The following SBNO2 variants were observed in gnomAD, a reference collection of about 807,000 sequenced individuals.
SBNO2 encodes strawberry notch homolog 2.
Under a neutral mutation model 146.3 loss-of-function variants are expected in SBNO2, and 89 were observed. That is an observed-to-expected ratio of 0.61 (90% CI 0.51 to 0.73). The LOEUF (loss-of-function observed/expected upper bound fraction) is 0.73. Among genes scored for constraint, SBNO2 ranks in the 30% least tolerant of loss-of-function variants. SBNO2 has a pLI of 0.00. For synonymous variants in SBNO2, 1,147 were observed against 892.6 expected (o/e 1.29, Z -5.08); for missense variants, 2,092 against 2,003.7 (o/e 1.04, Z -0.84).
rs529729119 is a variant in SBNO2 at position 1,136,408 on chromosome 19, G to A, written c.280-8643C>T. Reference sequence around the variant, plus strand: ...CTCAGTGTCTTCTGGTGCTGCAGCCGGGCAGGGCCGAACCCTGGCGCACAG... The same window carrying A: ...CTCAGTGTCTTCTGGTGCTGCAGCCAGGCAGGGCCGAACCCTGGCGCACAG... On this transcript the variant is annotated intron_variant, in intron 4 of 31. Coordinates refer to ENST00000361757, the MANE Select transcript of SBNO2 (RefSeq NM_014963.3). This position sits in a 1 kb window ranked among gnomAD's most constrained non-coding sequence, Gnocchi z 4.2. Among the ~76,000 whole-genome samples, 58 of 152,338 alleles carry A rather than the reference G, an allele frequency of 3.8e-4. No individual in the cohort carries two copies. Among genetic ancestry groups the A allele is most frequent in the African/African-American group, 1.3e-3 (55 of 41,568 alleles).
chr19:1,156,102 C>T (rs2080287632), intron 1 of SBNO2, among the ~76,000 whole-genome samples: 1 of 152,140 alleles, frequency 6.6e-6, no homozygotes, highest in African/African-American at 2.4e-5. Flanking sequence ...CCTCGGGGTA[C>T]ACCATAGCTG....
At chr19:1,127,274 T>A (rs959569134) in intron 5 of SBNO2, among the ~76,000 whole-genome samples, 2 of 152,080 alleles carry the variant, frequency 1.3e-5, no homozygotes, top group Non-Finnish European at 2.9e-5. Context: ...CCGGGTGCGG[T>A]GGACACGGGG....
intron 1 of SBNO2, among the ~76,000 whole-genome samples, chr19:1,166,744 T>A (rs966960981): frequency 6.6e-6 from 1 of 152,174 alleles, no homozygotes; most frequent in African/African-American, 2.4e-5. Flanking sequence ...TGAGCAGACG[T>A]TAAGCTAAAT....
Position 1,147,438 on chromosome 19 carries a change from G to C in SBNO2, c.168-18C>G, listed in dbSNP as rs558492581. 92 of 1,286,830 alleles carry C rather than the reference G, an allele frequency of 7.1e-5. 4 individuals carry two copies. Among genetic ancestry groups the C allele is most frequent in the South Asian group, 3.5e-4 (25 of 71,550 alleles). 79.7% of individuals were successfully genotyped at this position (1,286,830 alleles called of 1,614,324 possible). On this transcript the variant is annotated intron_variant, in intron 3 of 31. Coordinates refer to ENST00000361757, the MANE Select transcript of SBNO2 (RefSeq NM_014963.3). ...TGAACGGGCTGGAGGGAGATGGGGG[G>C]GGGGGAGGTGAGATGGGGTGCTCAA... is the stretch of plus-strand genomic sequence containing the variant.
intron 1 of SBNO2, among the ~76,000 whole-genome samples, chr19:1,160,554 C>T (rs565099156): frequency 2.0e-5 from 3 of 152,220 alleles, no homozygotes; most frequent in African/African-American, 7.2e-5. Flanking sequence ...CTGCAGCCTT[C>T]GCCTCCTGGG....
chr19:1,142,301 C>A (rs2080148643), intron 4 of SBNO2, among the ~76,000 whole-genome samples: 1 of 152,032 alleles, frequency 6.6e-6, no homozygotes, highest in Non-Finnish European at 1.5e-5. Flanking sequence ...TCAGTGGCCT[C>A]CCTCCCCAGG....
At chr19:1,166,226 TCCAGACCCCAGATC>T (rs1248985272) in intron 1 of SBNO2, among the ~76,000 whole-genome samples, 1 of 50,072 alleles carries the variant, frequency 2.0e-5, no homozygotes, top group African/African-American at 8.0e-5. Flanking sequence ...GACCCGAGAT[TCCAGACCCCAGATC>T]CCAGACCCCA....
At chr19:1,154,526 C>T (rs1035238981) in intron 1 of SBNO2, 124 bp from the exon 2 acceptor site, 23 of 367,132 alleles carry the variant, frequency 6.3e-5, no homozygotes, top group Middle Eastern at 7.1e-4. Context: ...CCTCCTGGGC[C>T]GGAACCAAAA....
intron 19 of SBNO2, 79 bp downstream of exon 19, chr19:1,113,456 A>G: frequency 7.9e-7 from 1 of 1,264,794 alleles, no homozygotes; most frequent in Non-Finnish European, 1.1e-6. Flanking sequence ...GGGCCACCAG[A>G]GCTGCACACA....
chr19:1,154,644 C>T (rs756784367), intron 1 of SBNO2, among the ~76,000 whole-genome samples: 3 of 152,214 alleles, frequency 2.0e-5, no homozygotes, highest in Non-Finnish European at 4.4e-5. Flanking sequence ...CCAACTACAA[C>T]GATTAAGGTG....
chr19:1,113,804 G>A (rs2079797768), intron 18 of SBNO2, 100 bp from the exon 19 acceptor site: 1 of 1,357,696 alleles, frequency 7.4e-7, no homozygotes. Flanking sequence ...AAGGGGCCCG[G>A]GGCAACCCTG....
At chr19:1,166,173 A>AT (rs752409002) in intron 1 of SBNO2, among the ~76,000 whole-genome samples, 12,137 of 80,896 alleles carry the variant, frequency 0.15, 1,745 homozygotes, top group Middle Eastern at 0.26. Flanking sequence ...AGATCCCCAG[A>AT]CCCCAGATCC....
chr19:1,120,006 A>G lies in SBNO2; in HGVS notation c.1167T>C (p.Cys389=). 1 of 1,551,286 alleles carries G rather than the reference A, an allele frequency of 6.4e-7. No individual in the cohort carries two copies. Among genetic ancestry groups the G allele is most frequent in the Non-Finnish European group, 8.7e-7 (1 of 1,147,104 alleles). The change falls in exon 12 of 32, where the codon TGT becomes TGC. Residue 389 remains cysteine, a synonymous_variant. Coordinates refer to ENST00000361757, the MANE Select transcript of SBNO2 (RefSeq NM_014963.3). ...AFEGVIVFDE[C]HKAKNAGSTK... is the part of the protein sequence containing the mutation. ...TGGAGCCGGCATTCTTGGCTTTGTG[A>G]CACTCGTCGAACACGATCTGAGGCA...
chr19:1,130,184 C>T (rs1361614855), intron 4 of SBNO2, among the ~76,000 whole-genome samples: 2 of 152,130 alleles, frequency 1.3e-5, no homozygotes, highest in South Asian at 2.1e-4. Context: ...CCAAGCAAAG[C>T]GTGGGCCTCA....
At chr19:1,111,961 T>G in intron 23 of SBNO2, 35 bp downstream of exon 23, 86 of 851,010 alleles carry the variant, frequency 1.0e-4, no homozygotes, top group Non-Finnish European at 1.4e-4. Flanking sequence ...CCCCTGCCCC[T>G]GCCCCGCCCC....
intron 4 of SBNO2, among the ~76,000 whole-genome samples, chr19:1,138,891 C>T (rs1253590714): frequency 1.3e-5 from 2 of 150,112 alleles, no homozygotes; most frequent in Admixed American, 6.6e-5. Flanking sequence ...CACGGACAGA[C>T]ACAGTGGGTC....
intron 4 of SBNO2, among the ~76,000 whole-genome samples, chr19:1,141,023 T>TGGAGAAGACACACCCC (rs2080130829): frequency 1.3e-5 from 2 of 148,946 alleles, no homozygotes; most frequent in Non-Finnish European, 3.0e-5. Flanking sequence ...AGACACACCC[T>TGGAGAAGACACACCCC]GGAGAAGACG....
chr19:1,127,589 A>G lies in SBNO2; in HGVS notation c.441+15T>C. ...TGGTGGGTCGGGGCTGGCTGGGGGC[A>G]CCGGGCGCACTGACCTTATCGTGGG... is the stretch of plus-strand genomic sequence containing the variant. On this transcript the variant is annotated intron_variant, in intron 5 of 31. Coordinates refer to ENST00000361757, the MANE Select transcript of SBNO2 (RefSeq NM_014963.3). 6.2e-7 allele frequency: 1 copy of G among 1,608,624 alleles called. No homozygotes were observed. Among genetic ancestry groups the G allele is most frequent in the Non-Finnish European group, 8.5e-7 (1 of 1,178,096 alleles).
chr19:1,162,573 C>G (rs896352042), intron 1 of SBNO2, among the ~76,000 whole-genome samples: 1 of 152,072 alleles, frequency 6.6e-6, no homozygotes, highest in Admixed American at 6.5e-5. Flanking sequence ...GAGGCTGACG[C>G]CCCGGAGGGA....
Sources: allele counts gnomAD v4.1 joint callset (sites outside exome capture counted in the v4.1 genomes callset), GRCh38; gene constraint gnomAD v4.1.1; non-coding constraint Gnocchi (gnomAD v3.1); transcripts MANE v1.5; gene names NCBI Gene and HGNC (gene_info 2026-07-23, HGNC 2026-07-21).